MAN2A1: variants seen among roughly 807,000 people sequenced by gnomAD.
The protein encoded by MAN2A1 is alpha-mannosidase 2.
MAN2A1 carries 76 observed loss-of-function variants against 142.6 expected under a neutral mutation model. That is an observed-to-expected ratio of 0.53 (90% CI 0.44 to 0.65). The LOEUF (loss-of-function observed/expected upper bound fraction) is 0.65, where lower values mean the gene tolerates loss of function less well. Among genes scored for constraint, MAN2A1 ranks in the 30% least tolerant of loss-of-function variants. The pLI, the probability that MAN2A1 is intolerant of heterozygous loss-of-function variation, is 0.00. For synonymous variants in MAN2A1, 559 were observed against 473.2 expected, an observed-to-expected ratio of 1.18 and a Z score of -2.35; for missense variants, 1,311 against 1,365.1, an observed-to-expected ratio of 0.96 and a Z score of 0.62.
chr5:109,827,249 G>T (rs1470521180), intron 16 of MAN2A1, among the ~76,000 whole-genome samples: 1 of 152,148 alleles, frequency 6.6e-6, no homozygotes, highest in Non-Finnish European at 1.5e-5. Flanking sequence ...TGTAATCTCA[G>T]CAACAAGGAA....
chr5:109,729,014 T>A (rs543202148), intron 3 of MAN2A1, among the ~76,000 whole-genome samples: 172 of 142,618 alleles, frequency 1.2e-3, no homozygotes, highest in African/African-American at 4.4e-3. Context: ...TCAAAAAAAA[T>A]TCCTTAGAGA....
intron 7 of MAN2A1, among the ~76,000 whole-genome samples, chr5:109,773,970 C>G (rs1753216752): frequency 6.6e-6 from 1 of 152,104 alleles, no homozygotes; most frequent in South Asian, 2.1e-4. Flanking sequence ...TTCACAAGCC[C>G]TTTGTCTTAG....
chr5:109,773,353 A>G (rs1349505433), intron 7 of MAN2A1, among the ~76,000 whole-genome samples: 1 of 152,062 alleles, frequency 6.6e-6, no homozygotes, highest in Non-Finnish European at 1.5e-5. Context: ...TATACAAGAT[A>G]CTCTATATCT....
chr5:109,786,262 C>A (rs1477493584), intron 10 of MAN2A1, among the ~76,000 whole-genome samples: 1 of 151,974 alleles, frequency 6.6e-6, no homozygotes, highest in African/African-American at 2.4e-5. Context: ...TTCCTTCTTA[C>A]CTGCTCCTGG....
At position 109,713,632 on chromosome 5, in the gene MAN2A1, T is replaced by C; in HGVS notation, c.248T>C (p.Val83Ala). Residue 83 changes from valine to alanine, a missense_variant, in exon 2 of 22, where the codon GTG (valine) becomes GCG (alanine). Val to Ala is a moderately conservative substitution (Grantham distance 64, BLOSUM62 0). Transcript: ENST00000261483. ...RDSVINLSES[V>A]EDGPKSSQSN... ...TCAGTCATCAATTTGAGTGAGTCTG[T>C]GGAGGATGGTCCGAAAAGTTCACAA... The C allele has an allele frequency of 1.2e-6, 2 of 1,614,208 alleles. No individual in the cohort carries two copies. The highest frequency in any genetic ancestry group is 2.2e-5 in the East Asian group (1 of 44,886).
chr5:109,779,896 T>C (rs981030845), intron 8 of MAN2A1, among the ~76,000 whole-genome samples: 40 of 152,194 alleles, frequency 2.6e-4, no homozygotes, highest in Admixed American at 3.9e-4. Flanking sequence ...GAAATAATCA[T>C]CTATTTTGCT....
chr5:109,793,381 C>G (rs1254912851), intron 12 of MAN2A1, among the ~76,000 whole-genome samples: 1 of 152,094 alleles, frequency 6.6e-6, no homozygotes, highest in Non-Finnish European at 1.5e-5. Flanking sequence ...AGCATCATGC[C>G]TGTGGTATTA....
intron 19 of MAN2A1, among the ~76,000 whole-genome samples, chr5:109,849,856 C>A (rs939151053): frequency 1.7e-4 from 26 of 152,176 alleles, no homozygotes; most frequent in African/African-American, 6.3e-4. Flanking sequence ...GTCCCCTAGG[C>A]ATTGGCATTG....
At chr5:109,773,446 T>G (rs1465318716) in intron 7 of MAN2A1, among the ~76,000 whole-genome samples, 1 of 152,190 alleles carries the variant, frequency 6.6e-6, no homozygotes, top group Admixed American at 6.6e-5. Context: ...TTTATATATT[T>G]GATTATTTTT....
intron 12 of MAN2A1, among the ~76,000 whole-genome samples, chr5:109,793,458 T>C (rs1446002412): frequency 1.3e-5 from 2 of 152,136 alleles, no homozygotes; most frequent in Non-Finnish European, 2.9e-5. Context: ...GAAGAGAATA[T>C]TAAGCTTCAG....
chr5:109,740,588 G>A (rs78506408), intron 4 of MAN2A1, among the ~76,000 whole-genome samples: 5,853 of 152,248 alleles, frequency 0.038, 350 homozygotes, highest in African/African-American at 0.13. Flanking sequence ...ACAGTGCATG[G>A]GCAGAGAGAC....
intron 12 of MAN2A1, among the ~76,000 whole-genome samples, chr5:109,806,474 C>G (rs1194932612): frequency 3.3e-5 from 5 of 152,178 alleles, no homozygotes; most frequent in Non-Finnish European, 7.3e-5. Context: ...CGAGCTAAGT[C>G]ATTTACTTAA....
chr5:109,743,274 A>G (rs568000820), intron 4 of MAN2A1, among the ~76,000 whole-genome samples: 1 of 152,128 alleles, frequency 6.6e-6, no homozygotes, highest in East Asian at 1.9e-4. Context: ...ATGCTTTTCC[A>G]CACTGTTGTT....
At position 109,690,251 on chromosome 5, in the gene MAN2A1, G is replaced by T. The variant is rs1750624898; in HGVS notation, c.-167G>T. The T allele has an allele frequency of 3.0e-6, 2 of 670,876 alleles. No individual in the cohort carries two copies. Among genetic ancestry groups the T allele is most frequent in the South Asian group, 3.5e-5 (2 of 57,710 alleles). 41.6% of individuals were successfully genotyped at this position (670,876 alleles called of 1,614,324 possible). ...GCGAAGGCCAAGGGCGTGTGGTGGCGCCGGAGACTAGGTGCGGAGCAAGGC... is the reference window on the plus strand; with the variant it reads ...GCGAAGGCCAAGGGCGTGTGGTGGCTCCGGAGACTAGGTGCGGAGCAAGGC... On this transcript the variant is annotated 5_prime_UTR_variant, in exon 1 of 22. Coordinates refer to ENST00000261483, the MANE Select transcript of MAN2A1 (RefSeq NM_002372.4).
In MAN2A1 at chr5:109,823,801, C is replaced by T. The variant is rs183501028; in HGVS notation, c.2530C>T (p.His844Tyr). 3 of 1,604,218 alleles carry T rather than the reference C, an allele frequency of 1.9e-6. No homozygotes were observed. Among genetic ancestry groups the T allele is most frequent in the Non-Finnish European group, 8.5e-7 (1 of 1,174,980 alleles). ...TTCGGAAGTGACTTGCTTTTTTGAC[C>T]ATGTTACTCATAGAGTCCGACTATA... is the stretch of plus-strand genomic sequence containing the variant. ...IYSEVTCFFD[H>Y]VTHRVRLYHI... Residue 844 changes from histidine (H) to tyrosine (Y), a missense_variant, in exon 16 of 22, where the codon CAT becomes TAT. Around this residue, in one of 3 missense-constraint regions of MAN2A1, gnomAD observed 890 missense variants for 920.5 expected, o/e 0.97. Transcript: ENST00000261483.
intron 4 of MAN2A1, among the ~76,000 whole-genome samples, chr5:109,732,213 G>T (rs528554846): frequency 6.7e-6 from 1 of 149,730 alleles, no homozygotes; most frequent in African/African-American, 2.5e-5. Flanking sequence ...GGGGTTGTTT[G>T]TTTTTTTCTT....
intron 16 of MAN2A1, among the ~76,000 whole-genome samples, chr5:109,825,409 G>C (rs571745072): frequency 6.6e-6 from 1 of 152,320 alleles, no homozygotes; most frequent in South Asian, 2.1e-4. Context: ...CTATGTCTCA[G>C]AGGAAATGCT....
intron 3 of MAN2A1, among the ~76,000 whole-genome samples, chr5:109,719,488 G>C (rs3797698): frequency 0.35 from 53,792 of 151,978 alleles, 9,816 homozygotes; most frequent in East Asian, 0.67. Context: ...CACATACACT[G>C]CAAGTCAAAA....
chr5:109,821,806 C>A (rs1431351047), intron 15 of MAN2A1, among the ~76,000 whole-genome samples: 1 of 151,858 alleles, frequency 6.6e-6, no homozygotes, highest in Non-Finnish European at 1.5e-5. Flanking sequence ...TAATCCTTTT[C>A]CCTATATGTT....
Sources: allele counts gnomAD v4.1 joint callset (sites outside exome capture counted in the v4.1 genomes callset), GRCh38; gene constraint gnomAD v4.1.1; regional missense constraint gnomAD v4.1.1; transcripts MANE v1.5; gene names NCBI Gene and HGNC (gene_info 2026-07-23, HGNC 2026-07-21).